Variants in MAML2 observed in about 807,000 individuals in gnomAD.
MAML2 encodes mastermind-like protein 2.
In MAML2, 22 loss-of-function variants were observed where a neutral mutation model predicts 96.1. The ratio of observed to expected loss-of-function variants is 0.23; its 90% CI spans 0.16 to 0.33. The LOEUF (loss-of-function observed/expected upper bound fraction) is 0.33, where lower values mean the gene tolerates loss of function less well. MAML2 is among the 10% of genes least tolerant of loss of function. The pLI, the probability that MAML2 is intolerant of heterozygous loss-of-function variation, is 1.00. For missense variants in MAML2, 1,367 were observed against 1,392.4 expected, an observed-to-expected ratio of 0.98 and a Z score of 0.29; for synonymous variants, 561 against 521.3, an observed-to-expected ratio of 1.08 and a Z score of -1.04.
At chr11:96,289,029 T>C (rs113924949) in intron 1 of MAML2, among the ~76,000 whole-genome samples, 2,566 of 152,326 alleles carry the variant, frequency 0.017, 32 homozygotes, top group Non-Finnish European at 0.02. Context: ...AAGGTGACCA[T>C]GGTATGTGTA....
intron 2 of MAML2, among the ~76,000 whole-genome samples, chr11:96,087,262 T>G (rs1410896250): frequency 6.6e-6 from 1 of 152,204 alleles, no homozygotes; most frequent in Non-Finnish European, 1.5e-5. Context: ...TTATGATTCT[T>G]CAATACTAAT....
chr11:96,336,255 C>T (rs898405181), intron 1 of MAML2, among the ~76,000 whole-genome samples: 10 of 152,196 alleles, frequency 6.6e-5, no homozygotes, highest in Admixed American at 1.3e-4. Context: ...GATTACTCAC[C>T]TGTTTTTTGC....
chr11:96,186,641 A>C (rs1460199010), intron 1 of MAML2, among the ~76,000 whole-genome samples: 1 of 152,184 alleles, frequency 6.6e-6, no homozygotes, highest in Non-Finnish European at 1.5e-5. Flanking sequence ...TTATTTTGTG[A>C]ATGTTGGCTA....
At chr11:95,990,161 G>A (rs607816) in intron 3 of MAML2, among the ~76,000 whole-genome samples, 74,599 of 151,856 alleles carry the variant, frequency 0.49, 20,435 homozygotes, top group African/African-American at 0.73. Flanking sequence ...ACTTTTTACT[G>A]TAAAAAGTAT....
chr11:96,143,244 ATGGGATTCTTCC>A (rs1860763914), intron 1 of MAML2, among the ~76,000 whole-genome samples: 1 of 152,182 alleles, frequency 6.6e-6, no homozygotes, highest in African/African-American at 2.4e-5. Flanking sequence ...CTGCTGACAA[ATGGGATTCTTCC>A]TGTAGCAGTA....
chr11:96,222,727 A>T (rs954375625), intron 1 of MAML2, among the ~76,000 whole-genome samples: 1 of 152,174 alleles, frequency 6.6e-6, no homozygotes, highest in Non-Finnish European at 1.5e-5. Context: ...GTAATATTAA[A>T]CAATTCCTAT....
At chr11:96,248,360 C>T (rs568469021) in intron 1 of MAML2, among the ~76,000 whole-genome samples, 2 of 152,222 alleles carry the variant, frequency 1.3e-5, no homozygotes, top group Admixed American at 1.3e-4. Flanking sequence ...GATCCATCCA[C>T]CTTGGCCTCC....
At chr11:96,203,061 G>C (rs1382575656) in intron 1 of MAML2, among the ~76,000 whole-genome samples, 1 of 152,138 alleles carries the variant, frequency 6.6e-6, no homozygotes, top group Non-Finnish European at 1.5e-5. Context: ...ATTTATGAAT[G>C]ACAGCACAGC....
At chr11:96,269,997 G>A (rs1414511491) in intron 1 of MAML2, among the ~76,000 whole-genome samples, 1 of 143,828 alleles carries the variant, frequency 7.0e-6, no homozygotes, top group East Asian at 2.0e-4. Flanking sequence ...ACTGACAAAT[G>A]TATGTCTTTA....
intron 1 of MAML2, among the ~76,000 whole-genome samples, chr11:96,131,279 A>T (rs1860544560): frequency 6.6e-6 from 1 of 152,322 alleles, no homozygotes; most frequent in African/African-American, 2.4e-5. Flanking sequence ...GCTTAAAAAC[A>T]TGTGAAAAAA....
At chr11:96,336,224 A>G (rs1282709198) in intron 1 of MAML2, among the ~76,000 whole-genome samples, 2 of 152,206 alleles carry the variant, frequency 1.3e-5, no homozygotes, top group Non-Finnish European at 2.9e-5. Flanking sequence ...GTTTCCTTAT[A>G]TGTAAAATGG....
chr11:96,244,831 C>G (rs7942082), intron 1 of MAML2, among the ~76,000 whole-genome samples: 5,054 of 152,214 alleles, frequency 0.033, 286 homozygotes, highest in African/African-American at 0.11. Flanking sequence ...TCCATCCATG[C>G]ATCCAATCAC....
At chr11:96,221,580 C>A (rs1481623596) in intron 1 of MAML2, among the ~76,000 whole-genome samples, 1 of 151,932 alleles carries the variant, frequency 6.6e-6, no homozygotes, top group African/African-American at 2.4e-5. Context: ...CAACTATGAA[C>A]CACTTAAGAA....
At chr11:96,082,719 C>T (rs944866242) in intron 2 of MAML2, among the ~76,000 whole-genome samples, 4 of 151,832 alleles carry the variant, frequency 2.6e-5, no homozygotes, top group African/African-American at 7.3e-5. Context: ...TGCTTAGACA[C>T]GCTGTCCAAC....
At chr11:96,327,647 G>C (rs1863802955) in intron 1 of MAML2, among the ~76,000 whole-genome samples, 1 of 151,462 alleles carries the variant, frequency 6.6e-6, no homozygotes, top group Admixed American at 6.6e-5. Context: ...TAGAACTCCT[G>C]ACCTCAAGTG....
rs372485539 is a variant in MAML2 at position 96,333,675 on chromosome 11, G to C, written c.513+7708C>G. 2.2e-4 allele frequency among the ~76,000 whole-genome samples: 34 copies of C among 152,324 alleles called. No individual in the cohort carries two copies. In the East Asian group the frequency reaches 3.9e-3, roughly 17 times the overall value. On this transcript the variant is annotated intron_variant, in intron 1 of 4. Coordinates refer to ENST00000524717, the MANE Select transcript of MAML2 (RefSeq NM_032427.4). ...TTAGGGTTGGAAAGACGGCAAATCT[G>C]TGTTGCCTATTCATCTGCAGATGCA...
chr11:96,288,617 T>C (rs1024713889), intron 1 of MAML2, among the ~76,000 whole-genome samples: 5 of 151,548 alleles, frequency 3.3e-5, no homozygotes, highest in Non-Finnish European at 7.4e-5. Context: ...AAAATCAAAC[T>C]GCCAAGCAAC....
At position 95,979,242 on chromosome 11, in the gene MAML2, C is replaced by T. The variant is rs1857693829; in HGVS notation, c.3177G>A (p.Leu1059=). 6.2e-7 allele frequency: 1 copy of T among 1,613,850 alleles called. No homozygotes were observed. The highest frequency in any genetic ancestry group is 8.5e-7 in the Non-Finnish European group (1 of 1,179,900). ...LRPNQLSTQI[L]PNLNQSGTGL... Reference sequence around the variant, plus strand: ...CTGTTCCTGACTGATTCAAATTAGGCAAAATCTGTGTGCTTAGCTGATTGG... The same window carrying T: ...CTGTTCCTGACTGATTCAAATTAGGTAAAATCTGTGTGCTTAGCTGATTGG... The change falls in exon 5 of 5, where the codon TTG becomes TTA. Residue 1059 remains leucine, a synonymous_variant. Coordinates refer to ENST00000524717, the MANE Select transcript of MAML2 (RefSeq NM_032427.4).
intron 1 of MAML2, among the ~76,000 whole-genome samples, chr11:96,225,540 T>G (rs948168071): frequency 6.6e-6 from 1 of 152,158 alleles, no homozygotes; most frequent in Non-Finnish European, 1.5e-5. Context: ...TTATTCAGAA[T>G]AATAACCATG....
Sources: gnomAD v4.1 joint callset for allele counts (sites outside exome capture counted in the v4.1 genomes callset) on GRCh38, gnomAD v4.1.1 for gene constraint, MANE v1.5 for transcripts, NCBI Gene and HGNC (gene_info 2026-07-23, HGNC 2026-07-21) for gene names.